Variants in ZFHX3 observed in about 807,000 individuals in gnomAD.
ZFHX3 encodes the protein zinc finger homeobox 3, also known as zinc finger homeobox protein 3.
Under a neutral mutation model 279.1 loss-of-function variants are expected in ZFHX3, and 42 were observed. The ratio of observed to expected loss-of-function variants is 0.15; its 90% CI spans 0.12 to 0.19. The LOEUF is 0.19. Among genes scored for constraint, ZFHX3 ranks in the 10% least tolerant of loss-of-function variants. The pLI, the probability that ZFHX3 is intolerant of heterozygous loss-of-function variation, is 1.00. For synonymous variants in ZFHX3, 2,293 were observed against 1,957.8 expected (o/e 1.17, Z -4.52); for missense variants, 4,981 against 4,754.0 (o/e 1.05, Z -1.40).
upstream of ZFHX3, among the ~76,000 whole-genome samples, chr16:73,062,620 G>C (rs998424104): frequency 1.3e-5 from 2 of 152,120 alleles, no homozygotes; most frequent in Non-Finnish European, 2.9e-5. Flanking sequence ...GCCATCTTAA[G>C]GGGCAAGGAG....
At chr16:73,159,109 C>T (rs889541463) in intron 5 of ZFHX3, among the ~76,000 whole-genome samples, 3 of 152,132 alleles carry the variant, frequency 2.0e-5, no homozygotes, top group Non-Finnish European at 4.4e-5. Flanking sequence ...AGCATCTGCA[C>T]AACAAAAGAA....
chr16:73,744,089 A>T (rs2053683629), intron 1 of ZFHX3, among the ~76,000 whole-genome samples: 1 of 152,256 alleles, frequency 6.6e-6, no homozygotes, highest in Non-Finnish European at 1.5e-5. Flanking sequence ...CTCAGCAAAA[A>T]GTTGGGCAAA....
chr16:73,095,241 A>G (rs1966145678), intron 7 of ZFHX3, among the ~76,000 whole-genome samples: 1 of 152,064 alleles, frequency 6.6e-6, no homozygotes, highest in African/African-American at 2.4e-5. Flanking sequence ...TGCTTCTCTT[A>G]ATATTATACT....
intron 3 of ZFHX3, among the ~76,000 whole-genome samples, chr16:73,426,796 G>A (rs1308203730): frequency 1.3e-5 from 2 of 152,174 alleles, no homozygotes; most frequent in Non-Finnish European, 2.9e-5. Context: ...GATACACCTT[G>A]AAGATTCTTT....
chr16:73,164,166 T>C (rs146381696), intron 5 of ZFHX3, among the ~76,000 whole-genome samples: 47 of 152,328 alleles, frequency 3.1e-4, no homozygotes, highest in African/African-American at 6.3e-4. Flanking sequence ...CTTTTATTAA[T>C]TTTTATACCA....
intron 2 of ZFHX3, among the ~76,000 whole-genome samples, chr16:73,648,667 C>A (rs913993744): frequency 1.5e-4 from 23 of 152,308 alleles, no homozygotes; most frequent in African/African-American, 5.3e-4. Context: ...CCGCCTTGGC[C>A]TCCCAAAGTG....
intron 3 of ZFHX3, among the ~76,000 whole-genome samples, chr16:72,936,563 T>C (rs1486054356): frequency 6.6e-6 from 1 of 152,216 alleles, no homozygotes; most frequent in Non-Finnish European, 1.5e-5. Context: ...AGGAGGTACA[T>C]ACACTCAGTA....
At chr16:73,815,072 C>T (rs925795236) in intron 1 of ZFHX3, among the ~76,000 whole-genome samples, 2 of 152,174 alleles carry the variant, frequency 1.3e-5, no homozygotes, top group East Asian at 1.9e-4. Flanking sequence ...GTGTAACTTA[C>T]GGATGTAAAC....
At chr16:73,881,433 T>TCA (rs10538063) in intron 1 of ZFHX3, among the ~76,000 whole-genome samples, 1,103 of 100,974 alleles carry the variant, frequency 0.011, 25 homozygotes, top group African/African-American at 0.029. Flanking sequence ...ATGATCACAC[T>TCA]CACACACACA....
intron 2 of ZFHX3, among the ~76,000 whole-genome samples, chr16:73,525,071 G>A (rs11862819): frequency 0.02 from 3,096 of 152,238 alleles, 101 homozygotes; most frequent in African/African-American, 0.071. Context: ...CCTGCCTATG[G>A]AAGGCATTGC....
chr16:72,990,241 A>G (rs1963029623), intron 1 of ZFHX3, among the ~76,000 whole-genome samples: 1 of 152,142 alleles, frequency 6.6e-6, no homozygotes, highest in African/African-American at 2.4e-5. Context: ...TCACTTGGCA[A>G]TTTCTGAGGT....
intron 4 of ZFHX3, among the ~76,000 whole-genome samples, chr16:72,849,746 C>T (rs1040025402): frequency 1.3e-5 from 2 of 151,856 alleles, no homozygotes; most frequent in Admixed American, 6.6e-5. Context: ...CTGCCATTCA[C>T]TTCCCTGGTT....
chr16:73,729,356 G>C (rs551394605), intron 1 of ZFHX3, among the ~76,000 whole-genome samples: 255 of 152,262 alleles, frequency 1.7e-3, no homozygotes, highest in Non-Finnish European at 2.4e-3. Context: ...GTGAAACCCT[G>C]CCTCCACTAA....
chr16:73,311,828 T>C (rs982516954), intron 4 of ZFHX3, among the ~76,000 whole-genome samples: 2 of 152,100 alleles, frequency 1.3e-5, no homozygotes, highest in Non-Finnish European at 2.9e-5. Context: ...TACATATAGG[T>C]TCAAAGCATC....
chr16:72,829,565 A>G, intron 5 of ZFHX3: 1 of 519,182 alleles, frequency 1.9e-6, no homozygotes, highest in Non-Finnish European at 3.4e-6. Context: ...CTTAACCATT[A>G]AAAACTACAG....
chr16:73,170,223 GTTTTTTTTTTTTTTTT>G (rs1156523996), intron 5 of ZFHX3, among the ~76,000 whole-genome samples: 1 of 57,718 alleles, frequency 1.7e-5, no homozygotes, highest in Non-Finnish European at 2.9e-5. Flanking sequence ...CCTTTCACTA[GTTTTTTTTTTTTTTTT>G]TTTTTTTTTG....
At chr16:73,064,588 TG>T (rs766426785), upstream of ZFHX3, among the ~76,000 whole-genome samples, 1 of 151,972 alleles carries the variant, frequency 6.6e-6, no homozygotes, top group Non-Finnish European at 1.5e-5. Context: ...ACATGGATTG[TG>T]GGTATGTTTC....
At chr16:73,659,528 C>T (rs755784116) in intron 2 of ZFHX3, among the ~76,000 whole-genome samples, 2 of 152,110 alleles carry the variant, frequency 1.3e-5, no homozygotes, top group Non-Finnish European at 2.9e-5. Flanking sequence ...GCACCATGCG[C>T]ACTCACAATG....
At chr16:73,347,900 G>A (rs187458148) in intron 3 of ZFHX3, among the ~76,000 whole-genome samples, 237 of 152,302 alleles carry the variant, frequency 1.6e-3, no homozygotes, top group South Asian at 9.1e-3. Context: ...ATTCCCATTG[G>A]ACATGAAGCT....
Sources: gnomAD v4.1 joint callset for allele counts (sites outside exome capture counted in the v4.1 genomes callset) on GRCh38, gnomAD v4.1.1 for gene constraint, MANE v1.5 for transcripts, NCBI Gene and HGNC (gene_info 2026-07-23, HGNC 2026-07-21) for gene names.